The following DLGAP2 variants were observed in gnomAD, a reference collection of about 807,000 sequenced individuals.
DLGAP2 encodes the protein DLG associated protein 2.
DLGAP2 carries 26 observed loss-of-function variants against 100.3 expected under a neutral mutation model. The ratio of observed to expected loss-of-function variants is 0.26; its 90% CI spans 0.19 to 0.36. The LOEUF (loss-of-function observed/expected upper bound fraction) is 0.36. Among genes scored for constraint, DLGAP2 ranks in the 10% least tolerant of loss-of-function variants. DLGAP2 has a pLI of 1.00. For synonymous variants in DLGAP2, 886 were observed against 630.1 expected, an observed-to-expected ratio of 1.41 and a Z score of -6.08; for missense variants, 1,858 against 1,453.2, an observed-to-expected ratio of 1.28 and a Z score of -4.53.
chr8:1,095,315 C>G (rs745455956), intron 2 of DLGAP2, among the ~76,000 whole-genome samples: 4 of 152,204 alleles, frequency 2.6e-5, no homozygotes, highest in Admixed American at 6.5e-5. Flanking sequence ...CAGAACCGCT[C>G]TCTCCCCACC....
intron 3 of DLGAP2, among the ~76,000 whole-genome samples, chr8:1,434,271 T>G (rs1330229314): frequency 6.6e-6 from 1 of 152,078 alleles, no homozygotes; most frequent in Non-Finnish European, 1.5e-5. Context: ...GCAGATTATC[T>G]GAGTCTGCAG....
intron 3 of DLGAP2, among the ~76,000 whole-genome samples, chr8:1,281,162 C>T (rs1335506463): frequency 9.9e-5 from 15 of 152,172 alleles, no homozygotes; most frequent in Admixed American, 9.2e-4. Flanking sequence ...AATGTGTGTG[C>T]GTGATATTAC....
chr8:1,233,435 C>A (rs34491487), intron 2 of DLGAP2, among the ~76,000 whole-genome samples: 1 of 152,012 alleles, frequency 6.6e-6, no homozygotes, highest in Non-Finnish European at 1.5e-5. Context: ...TTATTGCAAA[C>A]GTCCTGCCTA....
chr8:1,177,142 C>T (rs548343710), intron 2 of DLGAP2, among the ~76,000 whole-genome samples: 23 of 152,300 alleles, frequency 1.5e-4, no homozygotes, highest in African/African-American at 4.6e-4. Flanking sequence ...TTCGAGTGGA[C>T]GCACGCACGC....
chr8:1,128,100 C>A (rs1475936711), intron 2 of DLGAP2, among the ~76,000 whole-genome samples: 1 of 152,080 alleles, frequency 6.6e-6, no homozygotes, highest in African/African-American at 2.4e-5. Flanking sequence ...GGACCTGCTC[C>A]CCGTGTTGTG....
intron 2 of DLGAP2, among the ~76,000 whole-genome samples, chr8:1,163,181 G>A (rs1388516655): frequency 1.3e-5 from 2 of 152,196 alleles, no homozygotes; most frequent in African/African-American, 2.4e-5. Flanking sequence ...CGCCAGTACC[G>A]GAGGCCACTG....
chr8:1,288,212 T>G (rs1799983906), intron 3 of DLGAP2, among the ~76,000 whole-genome samples: 1 of 135,378 alleles, frequency 7.4e-6, no homozygotes, highest in African/African-American at 2.9e-5. Flanking sequence ...TGTGTGTGTG[T>G]GTGTGGTTAG....
intron 3 of DLGAP2, among the ~76,000 whole-genome samples, chr8:1,374,477 T>G (rs1407109828): frequency 1.3e-5 from 2 of 152,226 alleles, no homozygotes; most frequent in African/African-American, 4.8e-5. Flanking sequence ...AGAGTCATTC[T>G]GAAAGCAGCA....
intron 6 of DLGAP2, chr8:1,622,180 T>C (rs1204822117): frequency 1.3e-5 from 2 of 152,252 alleles, no homozygotes; most frequent in African/African-American, 2.4e-5. Flanking sequence ...TTTAGCGTGC[T>C]CCATTTTCCA....
intron 1 of DLGAP2, among the ~76,000 whole-genome samples, chr8:785,247 A>AAAAAAAAAAAC (rs1821811066): frequency 6.9e-6 from 1 of 145,162 alleles, no homozygotes; most frequent in Non-Finnish European, 1.5e-5. Context: ...AAAAAAAAAA[A>AAAAAAAAAAAC]AAAAAGGCAC....
intron 4 of DLGAP2, among the ~76,000 whole-genome samples, chr8:1,522,668 G>A (rs1471610807): frequency 1.3e-5 from 2 of 152,196 alleles, no homozygotes; most frequent in African/African-American, 2.4e-5. Context: ...GAGCTGAGTG[G>A]AGGAGCTTCT....
Position 964,830 on chromosome 8 carries a change from C to T in DLGAP2, c.73+56864C>T, listed in dbSNP as rs976281585. ...GAAGCCCTTCCAGCGCTGCCAGGCT[C>T]GGATCCTGGTGGCCTTGCGATGGCC... On this transcript the variant is annotated intron_variant, in intron 2 of 14. Coordinates refer to ENST00000637795, the MANE Select transcript of DLGAP2 (RefSeq NM_001346810.2). Among the ~76,000 whole-genome samples, 5 of 152,244 alleles carry T rather than the reference C, an allele frequency of 3.3e-5. No individual in the cohort carries two copies. In the East Asian group the frequency reaches 7.7e-4, roughly 23 times the overall value.
intron 3 of DLGAP2, among the ~76,000 whole-genome samples, chr8:1,441,814 A>G (rs180816713): frequency 5.3e-5 from 8 of 150,816 alleles, no homozygotes; most frequent in African/African-American, 1.7e-4. Context: ...ATTTAATTTA[A>G]TTTAAAGTTC....
chr8:830,256 T>G (rs1796756393), intron 1 of DLGAP2, among the ~76,000 whole-genome samples: 1 of 152,160 alleles, frequency 6.6e-6, no homozygotes, highest in African/African-American at 2.4e-5. Flanking sequence ...CACATCAGGG[T>G]CAGTGGGGTA....
intron 2 of DLGAP2, among the ~76,000 whole-genome samples, chr8:1,000,294 T>C (rs1800912923): frequency 6.6e-6 from 1 of 151,124 alleles, no homozygotes; most frequent in African/African-American, 2.4e-5. Flanking sequence ...GTGGGGGTGG[T>C]TTTCTTTTGC....
intron 1 of DLGAP2, among the ~76,000 whole-genome samples, chr8:809,970 G>T (rs1796341977): frequency 6.6e-6 from 1 of 152,222 alleles, no homozygotes; most frequent in South Asian, 2.1e-4. Flanking sequence ...CTGGACTGCG[G>T]TCAAGGCCCT....
At chr8:1,558,025 G>A (rs1279399309) in intron 5 of DLGAP2, among the ~76,000 whole-genome samples, 1 of 152,250 alleles carries the variant, frequency 6.6e-6, no homozygotes, top group East Asian at 1.9e-4. Flanking sequence ...CTGAGGGCAT[G>A]CCCTGGAGAG....
intron 2 of DLGAP2, among the ~76,000 whole-genome samples, chr8:1,238,485 CTTCTCTCACATGGCGCCGTGTCTAG>C (rs1798713904): frequency 1.1e-4 from 12 of 112,470 alleles, no homozygotes; most frequent in African/African-American, 3.8e-4. Context: ...ACCATGTCTG[CTTCTCTCACATGGCGCCGTGTCTAG>C]TTCTCTCACA....
At chr8:815,666 A>G (rs1796462322) in intron 1 of DLGAP2, among the ~76,000 whole-genome samples, 1 of 152,234 alleles carries the variant, frequency 6.6e-6, no homozygotes, top group East Asian at 1.9e-4. Context: ...CAATAATACT[A>G]GAAGAAGATA....
Sources: gnomAD v4.1 joint callset for allele counts (sites outside exome capture counted in the v4.1 genomes callset) on GRCh38, gnomAD v4.1.1 for gene constraint, MANE v1.5 for transcripts, NCBI Gene and HGNC (gene_info 2026-07-23, HGNC 2026-07-21) for gene names.